Variants in TARS3 observed in about 807,000 individuals in gnomAD.
TARS3 encodes threonyl-tRNA synthetase 3, also known as threonine--tRNA ligase 2, cytoplasmic.
TARS3 carries 94 observed loss-of-function variants against 103.5 expected under a neutral mutation model. The observed-to-expected ratio is 0.91, with a 90% confidence interval of 0.77 to 1.08. TARS3 has a LOEUF of 1.08. Among genes scored for constraint, TARS3 ranks in the 50% least tolerant of loss-of-function variants. The probability of loss-of-function intolerance (pLI) is 0.00; values close to 1 mark genes in which losing one functional copy is unlikely to be tolerated. For missense variants in TARS3, 952 were observed against 995.2 expected, an observed-to-expected ratio of 0.96 and a Z score of 0.58; for synonymous variants, 416 against 355.4, an observed-to-expected ratio of 1.17 and a Z score of -1.92.
intron 10 of TARS3, among the ~76,000 whole-genome samples, chr15:101,697,404 G>T (rs772273811): frequency 6.6e-6 from 1 of 152,176 alleles, no homozygotes; most frequent in Non-Finnish European, 1.5e-5. Context: ...GGTACCCAAA[G>T]AACTCATGGA....
chr15:101,694,270 C>T (rs1472707347), intron 10 of TARS3, among the ~76,000 whole-genome samples: 1 of 152,216 alleles, frequency 6.6e-6, no homozygotes, highest in Admixed American at 6.5e-5. Context: ...GCAGTGTGCA[C>T]ACCCAGCCCA....
At chr15:101,676,214 C>T (rs532701766) in intron 12 of TARS3, among the ~76,000 whole-genome samples, 1 of 152,284 alleles carries the variant, frequency 6.6e-6, no homozygotes, top group East Asian at 1.9e-4. Flanking sequence ...CTTTCAAAGC[C>T]AGGCGAATGT....
At chr15:101,720,283 A>C (rs544070769) in intron 3 of TARS3, among the ~76,000 whole-genome samples, 2 of 152,322 alleles carry the variant, frequency 1.3e-5, no homozygotes, top group East Asian at 3.9e-4. Context: ...GAAGCTATAT[A>C]ATTGTATTTA....
At chr15:101,699,239 G>A (rs1899133766) in intron 10 of TARS3, 1 of 294,126 alleles carries the variant, frequency 3.4e-6, no homozygotes, top group Non-Finnish European at 6.7e-6. Context: ...TCAGACAAAG[G>A]TATCCAGAAA....
intron 12 of TARS3, among the ~76,000 whole-genome samples, chr15:101,680,052 G>C (rs1405040829): frequency 5.3e-5 from 8 of 152,194 alleles, no homozygotes; most frequent in Non-Finnish European, 1.0e-4. Flanking sequence ...GAGGGCAAAA[G>C]TCCAGGCTCC....
chr15:101,708,155 T>C (rs1488770656), intron 6 of TARS3, among the ~76,000 whole-genome samples: 2 of 147,110 alleles, frequency 1.4e-5, no homozygotes, highest in Non-Finnish European at 3.0e-5. Flanking sequence ...GACACGAGAA[T>C]TGCTTGAATC....
intron 15 of TARS3, 42 bp downstream of exon 15, chr15:101,671,444 A>T: frequency 7.0e-7 from 1 of 1,424,214 alleles, no homozygotes; most frequent in African/African-American, 1.4e-5. Context: ...ACAAAAAATT[A>T]GAATATTAGT....
chr15:101,697,622 G>A (rs968600014), intron 10 of TARS3, among the ~76,000 whole-genome samples: 2 of 152,112 alleles, frequency 1.3e-5, no homozygotes, highest in Non-Finnish European at 2.9e-5. Flanking sequence ...AAAGACTCAC[G>A]AGGCTTCAGG....
At chr15:101,665,354 GC>G (rs148897484) in intron 15 of TARS3, among the ~76,000 whole-genome samples, 23,777 of 152,146 alleles carry the variant, frequency 0.16, 2,590 homozygotes, top group African/African-American at 0.31. Context: ...AAAGCCAGCA[GC>G]ATGTGTAACA....
chr15:101,722,692 A>G (rs1900544151), intron 2 of TARS3, among the ~76,000 whole-genome samples: 1 of 148,050 alleles, frequency 6.8e-6, no homozygotes, highest in Non-Finnish European at 1.5e-5. Context: ...GGTGGCATGC[A>G]CCTGTAGTCC....
At chr15:101,673,792 G>A (rs1378792280) in intron 13 of TARS3, among the ~76,000 whole-genome samples, 1 of 152,150 alleles carries the variant, frequency 6.6e-6, no homozygotes, top group Non-Finnish European at 1.5e-5. Context: ...GGAGGAGAAG[G>A]CCCTCCTTAG....
chr15:101,721,376 G>T, intron 2 of TARS3, 54 bp from the exon 3 acceptor site: 3 of 1,415,220 alleles, frequency 2.1e-6, no homozygotes, highest in Non-Finnish European at 2.9e-6. Flanking sequence ...CTGTTTTCCA[G>T]CTGCTCAGCT....
At chr15:101,674,180 G>A (rs926480811) in intron 13 of TARS3, among the ~76,000 whole-genome samples, 2 of 152,140 alleles carry the variant, frequency 1.3e-5, no homozygotes, top group African/African-American at 4.8e-5. Context: ...AGTCACTTGG[G>A]AGCTGCCATG....
chr15:101,675,474 C>G, intron 13 of TARS3, 126 bp downstream of exon 13: 1 of 831,722 alleles, frequency 1.2e-6, no homozygotes, highest in Non-Finnish European at 1.9e-6. Flanking sequence ...ACCTATATAT[C>G]TATCTCATAA....
At chr15:101,661,570 A>C in intron 16 of TARS3, 142 bp downstream of exon 16, 1 of 523,682 alleles carries the variant, frequency 1.9e-6, no homozygotes, top group South Asian at 3.2e-5. Flanking sequence ...AAGGCAGGAA[A>C]GGCCCTTTCT....
At chr15:101,665,511 G>T (rs532941071) in intron 15 of TARS3, among the ~76,000 whole-genome samples, 58 of 152,296 alleles carry the variant, frequency 3.8e-4, no homozygotes, top group African/African-American at 1.4e-3. Flanking sequence ...TCATCTCAGC[G>T]TGTAGTGGCA....
intron 13 of TARS3, among the ~76,000 whole-genome samples, chr15:101,673,520 C>CA (rs1372950829): frequency 6.6e-6 from 1 of 152,230 alleles, no homozygotes; most frequent in Non-Finnish European, 1.5e-5. Flanking sequence ...TCGTTATCAT[C>CA]ATCACCATTT....
intron 5 of TARS3, among the ~76,000 whole-genome samples, chr15:101,710,871 AAAC>A (rs1274073561): frequency 6.6e-6 from 1 of 152,206 alleles, no homozygotes; most frequent in Non-Finnish European, 1.5e-5. Flanking sequence ...GAACTGGACT[AAAC>A]AACTGGATGG....
At chr15:101,719,547 G>A (rs544149425) in intron 3 of TARS3, among the ~76,000 whole-genome samples, 41 of 152,244 alleles carry the variant, frequency 2.7e-4, no homozygotes, top group African/African-American at 3.9e-4. Context: ...GTGGCTGGGC[G>A]GCCAAGGGAG....
Sources: gnomAD v4.1 joint callset for allele counts (sites outside exome capture counted in the v4.1 genomes callset) on GRCh38, gnomAD v4.1.1 for gene constraint, MANE v1.5 for transcripts, NCBI Gene and HGNC (gene_info 2026-07-23, HGNC 2026-07-21) for gene names.